Variants in UBE2E2 observed in about 807,000 individuals in gnomAD.
The protein encoded by UBE2E2 is ubiquitin conjugating enzyme E2 E2, also known as ubiquitin-conjugating enzyme E2 E2.
In UBE2E2, 6 loss-of-function variants were observed where a neutral mutation model predicts 24.7. The observed-to-expected ratio is 0.24, with a 90% CI of 0.13 to 0.48. The LOEUF (loss-of-function observed/expected upper bound fraction) is 0.48, where lower values mean the gene tolerates loss of function less well. UBE2E2 is among the 20% of genes least tolerant of loss of function. UBE2E2 has a pLI of 0.99. For missense variants in UBE2E2, 169 were observed against 245.0 expected, an observed-to-expected ratio of 0.69 and a Z score of 2.07; for synonymous variants, 104 against 83.6, an observed-to-expected ratio of 1.24 and a Z score of -1.33.
chr3:23,486,837 A>C (rs1699384025), intron 3 of UBE2E2, among the ~76,000 whole-genome samples: 1 of 152,114 alleles, frequency 6.6e-6, no homozygotes, highest in Non-Finnish European at 1.5e-5. Flanking sequence ...GCACCATTCG[A>C]CTGGCTAAAA....
intron 3 of UBE2E2, among the ~76,000 whole-genome samples, chr3:23,243,140 T>C (rs148945098): frequency 1.3e-5 from 2 of 151,704 alleles, no homozygotes; most frequent in Admixed American, 1.3e-4. Flanking sequence ...AATAGAAATA[T>C]AAGATGATCA....
At chr3:23,389,851 A>G (rs570488038) in intron 3 of UBE2E2, 2 of 161,902 alleles carry the variant, frequency 1.2e-5, no homozygotes, top group South Asian at 2.0e-4. Context: ...CTGACCACCC[A>G]GTGCCTCAGT....
At chr3:23,224,163 T>C (rs888627194) in intron 3 of UBE2E2, among the ~76,000 whole-genome samples, 3 of 149,034 alleles carry the variant, frequency 2.0e-5, no homozygotes, top group African/African-American at 7.4e-5. Flanking sequence ...TAGGTTTTTT[T>C]TTTTTTTTTT....
chr3:23,347,227 C>A (rs539869613), intron 3 of UBE2E2, among the ~76,000 whole-genome samples: 8 of 152,346 alleles, frequency 5.3e-5, no homozygotes, highest in East Asian at 1.9e-4. Flanking sequence ...GATTATAAAT[C>A]ATGCTGCTAC....
At chr3:23,208,668 A>G (rs770973717) in intron 1 of UBE2E2, 24 bp from the exon 2 acceptor site, 1 of 1,576,058 alleles carries the variant, frequency 6.3e-7, no homozygotes, top group South Asian at 1.2e-5. Context: ...AGCTAAATAA[A>G]TGATTTTTGA....
chr3:23,565,062 A>C (rs755348239), intron 5 of UBE2E2, among the ~76,000 whole-genome samples: 30 of 152,128 alleles, frequency 2.0e-4, no homozygotes. Context: ...CTTGTCAAAA[A>C]AGTAAACAAT....
chr3:23,257,530 C>CTTTTTT, intron 3 of UBE2E2, among the ~76,000 whole-genome samples: 1 of 16,258 alleles, frequency 6.2e-5, no homozygotes, highest in Non-Finnish European at 1.0e-4. Context: ...CCCCCCCCCA[C>CTTTTTT]TTTTTTTTTT....
intron 3 of UBE2E2, among the ~76,000 whole-genome samples, chr3:23,406,296 C>A (rs1025065518): frequency 6.6e-6 from 1 of 152,116 alleles, no homozygotes. Context: ...ACAAATAATG[C>A]AGCATACTGG....
At chr3:23,367,613 A>G (rs1174467148) in intron 3 of UBE2E2, among the ~76,000 whole-genome samples, 1 of 152,116 alleles carries the variant, frequency 6.6e-6, no homozygotes, top group African/African-American at 2.4e-5. Flanking sequence ...TATCCCTTGC[A>G]GTATCTATGT....
intron 3 of UBE2E2, among the ~76,000 whole-genome samples, chr3:23,274,904 C>T (rs1312450947): frequency 6.6e-6 from 1 of 152,034 alleles, no homozygotes; most frequent in Non-Finnish European, 1.5e-5. Flanking sequence ...TATTTATTCA[C>T]TCATATAAAA....
At chr3:23,447,082 C>A (rs1323843801) in intron 3 of UBE2E2, among the ~76,000 whole-genome samples, 2 of 152,152 alleles carry the variant, frequency 1.3e-5, no homozygotes, top group Non-Finnish European at 2.9e-5. Flanking sequence ...GTCAGATCAG[C>A]CATATGTTAC....
chr3:23,390,855 G>A (rs1041684066), intron 3 of UBE2E2, among the ~76,000 whole-genome samples: 4 of 152,136 alleles, frequency 2.6e-5, no homozygotes, highest in Admixed American at 6.5e-5. Context: ...AACATGACAA[G>A]AAACATCATT....
chr3:23,322,089 G>C (rs1037179821), intron 3 of UBE2E2, among the ~76,000 whole-genome samples: 1 of 152,128 alleles, frequency 6.6e-6, no homozygotes, highest in African/African-American at 2.4e-5. Flanking sequence ...AAACTTAAGT[G>C]GTTAGAGAAG....
intron 5 of UBE2E2, among the ~76,000 whole-genome samples, chr3:23,540,206 C>T (rs1186649473): frequency 6.6e-6 from 1 of 151,964 alleles, no homozygotes; most frequent in Non-Finnish European, 1.5e-5. Context: ...TAAATATTCT[C>T]AGATAATATT....
intron 3 of UBE2E2, among the ~76,000 whole-genome samples, chr3:23,247,095 T>A (rs1697432977): frequency 6.6e-6 from 1 of 152,170 alleles, no homozygotes; most frequent in Admixed American, 6.5e-5. Flanking sequence ...ACCCAAGCAG[T>A]CCTCCTGCCT....
At chr3:23,442,537 G>C (rs1698331317) in intron 3 of UBE2E2, among the ~76,000 whole-genome samples, 1 of 152,166 alleles carries the variant, frequency 6.6e-6, no homozygotes. Flanking sequence ...TTACTATGAA[G>C]TATAGTTTTA....
At chr3:23,569,895 A>G (rs775712755) in intron 5 of UBE2E2, among the ~76,000 whole-genome samples, 14 of 152,198 alleles carry the variant, frequency 9.2e-5, no homozygotes, top group Non-Finnish European at 1.6e-4. Context: ...TTTTATGAGC[A>G]CTATTGACTC....
At chr3:23,262,883 A>T (rs1212006213) in intron 3 of UBE2E2, among the ~76,000 whole-genome samples, 2 of 152,238 alleles carry the variant, frequency 1.3e-5, no homozygotes, top group East Asian at 3.9e-4. Context: ...TAGGAGTTTT[A>T]TGGTTTCAGG....
At chr3:23,565,368 T>C (rs907653109) in intron 5 of UBE2E2, among the ~76,000 whole-genome samples, 2 of 150,828 alleles carry the variant, frequency 1.3e-5, no homozygotes, top group Non-Finnish European at 1.5e-5. Context: ...GGCCCAACTC[T>C]AATTATTACA....
Sources: allele counts gnomAD v4.1 joint callset (sites outside exome capture counted in the v4.1 genomes callset), GRCh38; gene constraint gnomAD v4.1.1; transcripts MANE v1.5; gene names NCBI Gene and HGNC (gene_info 2026-07-23, HGNC 2026-07-21).